Variants in IL1RAPL1 observed in about 807,000 individuals in gnomAD.
The protein encoded by IL1RAPL1 is interleukin 1 receptor accessory protein like 1.
Under a neutral mutation model 48.4 loss-of-function variants are expected in IL1RAPL1, and 3 were observed. The ratio of observed to expected loss-of-function variants is 0.06; its 90% CI spans 0.03 to 0.16. IL1RAPL1 has a LOEUF of 0.16. IL1RAPL1 is among the 10% of genes least tolerant of loss of function. The pLI is 1.00. For synonymous variants in IL1RAPL1, 185 were observed against 187.7 expected (o/e 0.99, Z 0.12); for missense variants, 349 against 530.6 (o/e 0.66, Z 3.36).
intron 6 of IL1RAPL1, among the ~76,000 whole-genome samples, chrX:29,748,020 G>T (rs961939879): frequency 8.9e-6 from 1 of 111,768 alleles, no homozygotes; most frequent in Non-Finnish European, 1.9e-5. Context: ...ACTAATTCTT[G>T]TCTCTGCTAC....
intron 1 of IL1RAPL1, among the ~76,000 whole-genome samples, chrX:28,713,619 G>A: frequency 9.0e-6 from 1 of 111,179 alleles, no homozygotes; most frequent in South Asian, 3.8e-4. Flanking sequence ...CTTTGCCTCA[G>A]ATTTTTCATT....
At chrX:29,737,804 C>T (rs1188579223) in intron 6 of IL1RAPL1, among the ~76,000 whole-genome samples, 1 of 112,341 alleles carries the variant, frequency 8.9e-6, no homozygotes, top group Non-Finnish European at 1.9e-5. Context: ...ATCAGTGACT[C>T]TCTGGACAGA....
intron 3 of IL1RAPL1, among the ~76,000 whole-genome samples, chrX:29,367,424 C>G (rs896827165): frequency 9.0e-6 from 1 of 111,196 alleles, no homozygotes; most frequent in African/African-American, 3.3e-5. Flanking sequence ...TATTAAGAGT[C>G]ATATATCCAA....
In IL1RAPL1 at chrX:29,631,688, C is replaced by T. The variant is rs193044420; in HGVS notation, c.704-36742C>T. 5.2e-3 allele frequency among the ~76,000 whole-genome samples: 580 copies of T among 111,195 alleles called. 1 individual carries two copies. The highest frequency in any genetic ancestry group is 0.018 in the African/African-American group (545 of 30,613). ...TTGGGCACCTGTAGTCCCACCTACT[C>T]GGAGGCTGAGGCAGGAGAATCGCCT... is the stretch of plus-strand genomic sequence containing the variant. On this transcript the variant is annotated intron_variant, in intron 5 of 10. Transcript: ENST00000378993.
intron 3 of IL1RAPL1, among the ~76,000 whole-genome samples, chrX:29,313,632 G>A (rs373858749): frequency 2.1e-3 from 231 of 111,639 alleles, no homozygotes; most frequent in African/African-American, 7.0e-3. Flanking sequence ...GGAAATGGTT[G>A]TCTGTCCAGG....
At chrX:29,552,802 C>CCTTTTTTTTTTTTT (rs766024975) in intron 5 of IL1RAPL1, among the ~76,000 whole-genome samples, 6 of 23,012 alleles carry the variant, frequency 2.6e-4, no homozygotes, top group Non-Finnish European at 3.7e-4. Flanking sequence ...TTTCACTCTC[C>CCTTTTTTTTTTTTT]TTTTTTTTTT....
intron 5 of IL1RAPL1, among the ~76,000 whole-genome samples, chrX:29,438,086 A>G (rs967720544): frequency 9.0e-6 from 1 of 111,233 alleles, no homozygotes; most frequent in African/African-American, 3.3e-5. Flanking sequence ...AAATAATTAA[A>G]TTCATATTGA....
At chrX:29,122,407 TCTCA>T (rs1476626829) in intron 2 of IL1RAPL1, among the ~76,000 whole-genome samples, 8 of 76,258 alleles carry the variant, frequency 1.0e-4, no homozygotes, top group African/African-American at 4.0e-4. Context: ...TCTCTCTCTC[TCTCA>T]CACACACACA....
intron 1 of IL1RAPL1, among the ~76,000 whole-genome samples, chrX:28,608,101 A>G (rs1457283037): frequency 8.9e-6 from 1 of 111,749 alleles, no homozygotes; most frequent in Non-Finnish European, 1.9e-5. Context: ...TTCCCACTAT[A>G]GTGGATCATA....
intron 2 of IL1RAPL1, among the ~76,000 whole-genome samples, chrX:28,921,909 A>G (rs745449507): frequency 2.7e-5 from 3 of 111,907 alleles, no homozygotes; most frequent in Non-Finnish European, 5.6e-5. Flanking sequence ...TCCCAAAGTA[A>G]GAAGCTTGGT....
At chrX:28,832,178 A>G (rs1192067466) in intron 2 of IL1RAPL1, among the ~76,000 whole-genome samples, 2 of 110,887 alleles carry the variant, frequency 1.8e-5, no homozygotes, top group African/African-American at 6.5e-5. Context: ...CTGCAGTGCT[A>G]TAGAACACTG....
At chrX:29,112,793 G>GT (rs774106013) in intron 2 of IL1RAPL1, among the ~76,000 whole-genome samples, 13,558 of 71,234 alleles carry the variant, frequency 0.19, 1,700 homozygotes, top group East Asian at 0.39. Flanking sequence ...GTCAACTTTG[G>GT]TTTTTTTTTT....
chrX:29,218,542 A>G (rs1264062731), intron 2 of IL1RAPL1, among the ~76,000 whole-genome samples: 4 of 111,725 alleles, frequency 3.6e-5, no homozygotes, highest in South Asian at 7.4e-4. Flanking sequence ...TCCTATGTCT[A>G]TGGTCTTAAT....
chrX:29,067,412 C>T (rs1383618471), intron 2 of IL1RAPL1, among the ~76,000 whole-genome samples: 1 of 112,163 alleles, frequency 8.9e-6, no homozygotes, highest in Non-Finnish European at 1.9e-5. Context: ...TCTTTGGATG[C>T]GGAATTGCTT....
intron 1 of IL1RAPL1, among the ~76,000 whole-genome samples, chrX:28,732,825 C>A (rs975124597): frequency 9.0e-6 from 1 of 111,211 alleles, no homozygotes; most frequent in Non-Finnish European, 1.9e-5. Context: ...GCCGAGTTTG[C>A]GCCACTGCAC....
Position 28,699,657 on chromosome X carries a change from C to G in IL1RAPL1, c.-24-89663C>G, listed in dbSNP as rs768541331. Among the ~76,000 whole-genome samples the G allele has an allele frequency of 7.2e-5, 8 of 111,678 alleles. No individual in the cohort carries two copies. In the South Asian group the frequency reaches 3.0e-3, roughly 42 times the overall value. On this transcript the variant is annotated intron_variant, in intron 1 of 10. Transcript: ENST00000378993. ...CAGGTGGCTGCTTCAGACTCTCTCT[C>G]TCCTCTGTTTGTTGAAGCCTCATCG...
At chrX:29,798,226 T>G (rs1266897497) in intron 6 of IL1RAPL1, among the ~76,000 whole-genome samples, 1 of 112,220 alleles carries the variant, frequency 8.9e-6, no homozygotes, top group African/African-American at 3.2e-5. Context: ...GATCTCTGTA[T>G]TATTTAATTT....
chrX:29,869,037 G>C (rs963201543), intron 6 of IL1RAPL1, among the ~76,000 whole-genome samples: 5 of 112,176 alleles, frequency 4.5e-5, no homozygotes, highest in Non-Finnish European at 7.5e-5. Context: ...GGAGAGGATA[G>C]ACAGGAAAGG....
intron 2 of IL1RAPL1, among the ~76,000 whole-genome samples, chrX:28,944,369 G>T (rs974724209): frequency 9.1e-6 from 1 of 110,253 alleles, no homozygotes; most frequent in Non-Finnish European, 1.9e-5. Context: ...AAAATCGCAC[G>T]TTACTTGCTC....
Sources: allele counts gnomAD v4.1 joint callset (sites outside exome capture counted in the v4.1 genomes callset), GRCh38; gene constraint gnomAD v4.1.1; transcripts MANE v1.5; gene names NCBI Gene and HGNC (gene_info 2026-07-23, HGNC 2026-07-21).